The following LBP variants were observed in gnomAD, a reference collection of about 807,000 sequenced individuals.
LBP encodes lipopolysaccharide-binding protein.
A neutral mutation model predicts 56.6 loss-of-function variants in LBP; 53 were observed. The ratio of observed to expected loss-of-function variants is 0.94; its 90% confidence interval spans 0.75 to 1.18. The LOEUF is 1.18. Ranked by LOEUF, LBP falls within the 50% of genes most tolerant of loss-of-function variation. The probability of loss-of-function intolerance (pLI) is 0.00; values close to 1 mark genes in which losing one functional copy is unlikely to be tolerated. For synonymous variants in LBP, 227 were observed against 247.5 expected (o/e 0.92, Z 0.78); for missense variants, 601 against 598.3 (o/e 1.00, Z -0.05).
At chr20:38,355,308 TC>T in intron 4 of LBP, 37 bp from the exon 5 acceptor site, 1 of 1,604,692 alleles carries the variant, frequency 6.2e-7, no homozygotes. Context: ...CACCCGGCCA[TC>T]CCCAAGTTCA....
At chr20:38,360,081 G>A (rs143049884) in intron 5 of LBP, among the ~76,000 whole-genome samples, 6 of 151,932 alleles carry the variant, frequency 3.9e-5, no homozygotes, top group African/African-American at 7.2e-5. Context: ...GTGAAACCCC[G>A]TCTCCACTAA....
intron 9 of LBP, among the ~76,000 whole-genome samples, chr20:38,367,134 G>C (rs1247257999): frequency 1.3e-5 from 2 of 152,120 alleles, no homozygotes; most frequent in African/African-American, 4.8e-5. Flanking sequence ...CTTCCTAGGT[G>C]CCAGGCATGT....
chr20:38,359,061 G>A (rs1021546889), intron 5 of LBP, among the ~76,000 whole-genome samples: 1 of 152,076 alleles, frequency 6.6e-6, no homozygotes, highest in Non-Finnish European at 1.5e-5. Flanking sequence ...TTCCATCCCA[G>A]GTTTCTTTAA....
chr20:38,373,014 A>G (rs2076905686), intron 12 of LBP, 58 bp from the exon 13 acceptor site: 4 of 1,477,884 alleles, frequency 2.7e-6, no homozygotes, highest in African/African-American at 2.8e-5. Flanking sequence ...GTTGGCACAC[A>G]CAGAACCACC....
intron 1 of LBP, among the ~76,000 whole-genome samples, chr20:38,347,468 C>T (rs1427309685): frequency 1.3e-5 from 2 of 151,974 alleles, no homozygotes; most frequent in Admixed American, 6.6e-5. Context: ...CGCTTGAACC[C>T]GGGAGGCAGA....
intron 5 of LBP, among the ~76,000 whole-genome samples, chr20:38,359,360 C>A (rs1355874225): frequency 6.6e-6 from 1 of 152,062 alleles, no homozygotes; most frequent in Non-Finnish European, 1.5e-5. Flanking sequence ...GGGGGTGGAC[C>A]ATTTGAGGTC....
intron 9 of LBP, among the ~76,000 whole-genome samples, chr20:38,367,741 C>A (rs1366608008): frequency 6.6e-6 from 1 of 152,222 alleles, no homozygotes; most frequent in African/African-American, 2.4e-5. Context: ...AAATGTCTCC[C>A]TTCTAGAAGA....
chr20:38,373,396 TGGAA>T (rs2076907531), intron 13 of LBP, among the ~76,000 whole-genome samples: 1 of 152,084 alleles, frequency 6.6e-6, no homozygotes, highest in Admixed American at 6.5e-5. Context: ...GAGGGACACA[TGGAA>T]GTGCCCCACA....
chr20:38,351,619 G>C (rs1032769678), intron 3 of LBP, among the ~76,000 whole-genome samples: 54 of 152,324 alleles, frequency 3.5e-4, no homozygotes, highest in African/African-American at 1.3e-3. Flanking sequence ...TGAGGGCCAA[G>C]GTCAAGGTTT....
intron 4 of LBP, among the ~76,000 whole-genome samples, 178 bp downstream of exon 4, chr20:38,354,617 T>C (rs1009719828): frequency 3.3e-5 from 5 of 152,030 alleles, no homozygotes; most frequent in Admixed American, 2.6e-4. Context: ...TATTGGTGCA[T>C]CATTTTCATT....
In LBP at chr20:38,360,869, G is replaced by A. The variant is rs2232598; in HGVS notation, c.652+102G>A. The A allele has an allele frequency of 1.8e-3, 1,659 of 917,464 alleles. 27 individuals are homozygous for A. The African/African-American group carries it at 0.025, about 14-fold the overall frequency. 56.8% of individuals were successfully genotyped at this position (917,464 alleles called of 1,614,324 possible). On this transcript the variant is annotated intron_variant, in intron 6 of 14. Transcript: ENST00000217407. ...AGTAAATGGGGCAAAAATATAGAAA[G>A]TAAAAATTAAGGGCCAGGCGCAGCG...
Position 38,346,582 on chromosome 20 carries a change from G to A in LBP, c.66G>A (p.Glu22=). The change falls in exon 1 of 15, where the codon GAG becomes GAA. Residue 22 remains glutamate (E), a synonymous_variant. Coordinates refer to ENST00000217407, the MANE Select transcript of LBP (RefSeq NM_004139.5). ...CATTGCTGCTTACGTCCACCCCAGA[G>A]GCTCTGGGTGCCAACCCCGGCTTGG... The part of the protein sequence containing the change: ...LLALLLTSTP[E]ALGANPGLVA... The A allele has an allele frequency of 6.2e-7, 1 of 1,613,802 alleles. No individual in the cohort carries two copies. Among genetic ancestry groups the A allele is most frequent in the East Asian group, 2.2e-5 (1 of 44,886 alleles).
intron 14 of LBP, among the ~76,000 whole-genome samples, chr20:38,374,546 G>A (rs1356736409): frequency 1.1e-4 from 16 of 147,284 alleles, no homozygotes; most frequent in Non-Finnish European, 6.0e-5. Context: ...GCAGTGAGCC[G>A]AGATCACGCC....
At position 38,373,258 on chromosome 20, in the gene LBP, C is replaced by G. The variant is rs539732381; in HGVS notation, c.1324+123C>G. 47 of 783,048 alleles carry G rather than the reference C, an allele frequency of 6.0e-5. No individual in the cohort carries two copies. The African/African-American group carries it at 7.5e-4, about 13-fold the overall frequency. 48.5% of individuals were successfully genotyped at this position (783,048 alleles called of 1,614,324 possible). A position where few individuals can be genotyped will look rare whatever the true frequency, so the allele number is the denominator to read the frequency against. ...ATGACCGTGGGCAAGTCACTTCTCT[C>G]TGAGCTTAGTGACCTGCCTGTGACA... On this transcript the variant is annotated intron_variant, in intron 13 of 14. Coordinates refer to ENST00000217407, the MANE Select transcript of LBP (RefSeq NM_004139.5).
Position 38,369,044 on chromosome 20 carries a change from C to T in LBP, c.1031C>T (p.Pro344Leu), listed in dbSNP as rs1378321560. ...NMNLELQGSV[P>L]SAPLLNFSPG... Reference sequence around the variant, plus strand: ...AACCTGGAACTCCAGGGATCAGTGCCCTCTGCTCCGCTCCTGAACTTCAGC... The same window carrying T: ...AACCTGGAACTCCAGGGATCAGTGCTCTCTGCTCCGCTCCTGAACTTCAGC... Residue 344 changes from proline (P) to leucine (L), a missense_variant, in exon 10 of 15, where the codon CCC becomes CTC. Pro to Leu is a moderately conservative substitution (Grantham distance 98). Coordinates refer to ENST00000217407, the MANE Select transcript of LBP (RefSeq NM_004139.5). The T allele has an allele frequency of 1.2e-6, 2 of 1,614,032 alleles. No individual in the cohort carries two copies. Among genetic ancestry groups the T allele is most frequent in the African/African-American group, 2.7e-5 (2 of 74,906 alleles).
intron 3 of LBP, among the ~76,000 whole-genome samples, chr20:38,351,816 T>C (rs1384323227): frequency 6.6e-6 from 1 of 151,824 alleles, no homozygotes; most frequent in African/African-American, 2.4e-5. Flanking sequence ...AGGTCAGGAG[T>C]TCAAGACCAG....
At chr20:38,350,440 T>G (rs2076816448) in intron 2 of LBP, among the ~76,000 whole-genome samples, 1 of 152,172 alleles carries the variant, frequency 6.6e-6, no homozygotes, top group African/African-American at 2.4e-5. Flanking sequence ...AGAGGAGGGT[T>G]AGCAGGAACT....
intron 2 of LBP, 109 bp from the exon 3 acceptor site, chr20:38,350,702 G>A: frequency 7.9e-7 from 1 of 1,266,526 alleles, no homozygotes; most frequent in Non-Finnish European, 1.1e-6. Flanking sequence ...CTTACCTGGA[G>A]CAGATCCTGC....
intron 12 of LBP, 27 bp from the exon 13 acceptor site, chr20:38,373,045 A>G: frequency 6.2e-7 from 1 of 1,608,220 alleles, no homozygotes; most frequent in South Asian, 1.1e-5. Flanking sequence ...GTGGCGATGT[A>G]AATATATCTC....
Sources: gnomAD v4.1 joint callset for allele counts (sites outside exome capture counted in the v4.1 genomes callset) on GRCh38, gnomAD v4.1.1 for gene constraint, MANE v1.5 for transcripts, NCBI Gene and HGNC (gene_info 2026-07-23, HGNC 2026-07-21) for gene names.